GRIK1: variants seen among roughly 807,000 people sequenced by gnomAD.
GRIK1 encodes the protein glutamate ionotropic receptor kainate type subunit 1, also known as glutamate receptor ionotropic, kainate 1.
A neutral mutation model predicts 105.7 loss-of-function variants in GRIK1; 69 were observed. That is an observed-to-expected ratio of 0.65 (90% CI 0.54 to 0.80). GRIK1 has a LOEUF of 0.80. GRIK1 is among the 30% of genes least tolerant of loss of function. The pLI is 0.00. For missense variants in GRIK1, 1,109 were observed against 1,167.3 expected (o/e 0.95, Z 0.73); for synonymous variants, 438 against 431.3 (o/e 1.02, Z -0.19).
At chr21:29,818,419 C>T (rs1331821856) in intron 1 of GRIK1, among the ~76,000 whole-genome samples, 2 of 152,050 alleles carry the variant, frequency 1.3e-5, no homozygotes, top group Admixed American at 1.3e-4. Context: ...ATGGCCCTTT[C>T]TACATAAATC....
intron 1 of GRIK1, among the ~76,000 whole-genome samples, chr21:29,779,494 GGTGTGTGTGTGT>G (rs3054349): frequency 6.8e-6 from 1 of 148,018 alleles, no homozygotes; most frequent in South Asian, 2.2e-4. Flanking sequence ...GCCCTTTTAT[GGTGTGTGTGTGT>G]GTGTGTGTGT....
intron 4 of GRIK1, among the ~76,000 whole-genome samples, chr21:29,669,601 G>C (rs1445001768): frequency 6.6e-6 from 1 of 152,114 alleles, no homozygotes; most frequent in Non-Finnish European, 1.5e-5. Flanking sequence ...GCCTAGCCAG[G>C]CTCAGAGAAT....
intron 1 of GRIK1, among the ~76,000 whole-genome samples, chr21:29,827,314 C>A (rs2067488821): frequency 6.6e-6 from 1 of 151,968 alleles, no homozygotes. Context: ...AATATTAAAA[C>A]CTAATAGAAG....
chr21:29,895,118 T>C (rs1042760965), intron 1 of GRIK1, among the ~76,000 whole-genome samples: 7 of 152,138 alleles, frequency 4.6e-5, no homozygotes, highest in Non-Finnish European at 1.5e-5. Flanking sequence ...AGTAAGAATA[T>C]TGACAAGCCT....
intron 1 of GRIK1, among the ~76,000 whole-genome samples, chr21:29,913,435 G>C (rs2070887084): frequency 6.6e-6 from 1 of 151,936 alleles, no homozygotes. Context: ...TTTTAATAGA[G>C]TATATGGTAG....
chr21:29,869,392 T>C (rs1217005751), intron 1 of GRIK1, among the ~76,000 whole-genome samples: 1 of 152,208 alleles, frequency 6.6e-6, no homozygotes, highest in East Asian at 1.9e-4. Context: ...ATTCATTTAC[T>C]CTTTCTTTCA....
intron 4 of GRIK1, among the ~76,000 whole-genome samples, chr21:29,668,700 G>A (rs1215460669): frequency 6.6e-6 from 1 of 152,224 alleles, no homozygotes; most frequent in Non-Finnish European, 1.5e-5. Context: ...CATCCTGCTA[G>A]GTACAAGTTG....
At chr21:29,739,702 T>C (rs1050192547) in intron 1 of GRIK1, among the ~76,000 whole-genome samples, 2 of 152,266 alleles carry the variant, frequency 1.3e-5, no homozygotes, top group Non-Finnish European at 2.9e-5. Context: ...TTTTAAATAC[T>C]GCCAAATATA....
intron 6 of GRIK1, among the ~76,000 whole-genome samples, chr21:29,646,563 G>A (rs1302314975): frequency 6.6e-6 from 1 of 152,180 alleles, no homozygotes; most frequent in Non-Finnish European, 1.5e-5. Context: ...AAGCCAGTCA[G>A]ATGCCACCTC....
chr21:29,906,466 A>T (rs1301754881), intron 1 of GRIK1, among the ~76,000 whole-genome samples: 1 of 152,130 alleles, frequency 6.6e-6, no homozygotes, highest in Non-Finnish European at 1.5e-5. Context: ...TTCCATTATG[A>T]GCAGTATTTA....
intron 1 of GRIK1, among the ~76,000 whole-genome samples, chr21:29,804,011 A>G (rs1601738928): frequency 3.3e-5 from 5 of 152,236 alleles, no homozygotes; most frequent in Admixed American, 3.3e-4. Flanking sequence ...CTGGTCTGGG[A>G]GAATAAACCT....
At chr21:29,697,499 A>G (rs1163703641) in intron 1 of GRIK1, among the ~76,000 whole-genome samples, 1 of 152,092 alleles carries the variant, frequency 6.6e-6, no homozygotes, top group Non-Finnish European at 1.5e-5. Context: ...TTTTCATCAA[A>G]CAGGCATTAT....
At chr21:29,592,046 G>GA (rs754303656) in intron 9 of GRIK1, among the ~76,000 whole-genome samples, 14 of 152,014 alleles carry the variant, frequency 9.2e-5, no homozygotes, top group Non-Finnish European at 1.9e-4. Context: ...GCGAGACACT[G>GA]AAAAAATAAA....
At chr21:29,610,086 G>A (rs377414977) in intron 7 of GRIK1, among the ~76,000 whole-genome samples, 4 of 152,226 alleles carry the variant, frequency 2.6e-5, no homozygotes, top group Admixed American at 6.5e-5. Context: ...TGATTTATAC[G>A]ATCATAAACT....
chr21:29,693,123 C>A (rs930205465), intron 2 of GRIK1, among the ~76,000 whole-genome samples: 2 of 152,198 alleles, frequency 1.3e-5, no homozygotes, highest in Non-Finnish European at 2.9e-5. Context: ...CCCCCCCAAT[C>A]TGGGGTGATG....
Position 29,635,890 on chromosome 21 carries a change from C to T in GRIK1, c.1098+6936G>A, listed in dbSNP as rs182321520. On this transcript the variant is annotated intron_variant, in intron 7 of 17. Coordinates refer to ENST00000327783, the MANE Select transcript of GRIK1 (RefSeq NM_001330994.2). ...TTCCACTGAAATAGGAATCCATCAC[C>T]CAATGAGTAAAAGAAACTTCAGAAG... Among the ~76,000 whole-genome samples, 11 of 152,140 alleles carry T rather than the reference C, an allele frequency of 7.2e-5. No individual in the cohort carries two copies. In the East Asian group the frequency reaches 1.9e-3, roughly 27 times the overall value.
At chr21:29,856,255 A>AC (rs1317584146) in intron 1 of GRIK1, among the ~76,000 whole-genome samples, 1 of 152,162 alleles carries the variant, frequency 6.6e-6, no homozygotes, top group Non-Finnish European at 1.5e-5. Context: ...AGGAAGATGA[A>AC]CCAGCAGAGG....
At chr21:29,834,658 A>G (rs1380349462) in intron 1 of GRIK1, among the ~76,000 whole-genome samples, 1 of 151,284 alleles carries the variant, frequency 6.6e-6, no homozygotes, top group African/African-American at 2.4e-5. Flanking sequence ...GCTTTCTAAT[A>G]TATAACATAG....
intron 1 of GRIK1, among the ~76,000 whole-genome samples, chr21:29,792,140 T>C (rs1185208030): frequency 6.6e-6 from 1 of 152,144 alleles, no homozygotes; most frequent in Non-Finnish European, 1.5e-5. Context: ...AGTATATATG[T>C]CTATGTATTG....
Sources: allele counts gnomAD v4.1 joint callset (sites outside exome capture counted in the v4.1 genomes callset), GRCh38; gene constraint gnomAD v4.1.1; transcripts MANE v1.5; gene names NCBI Gene and HGNC (gene_info 2026-07-23, HGNC 2026-07-21).